ARHGAP24: variants seen among roughly 807,000 people sequenced by gnomAD.
ARHGAP24 encodes Rho GTPase activating protein 24.
ARHGAP24 carries 50 observed loss-of-function variants against 76.4 expected under a neutral mutation model. The ratio of observed to expected loss-of-function variants is 0.65; its 90% confidence interval spans 0.52 to 0.83. The LOEUF is 0.83. Among genes scored for constraint, ARHGAP24 ranks in the 40% least tolerant of loss-of-function variants. The pLI is 0.00. For synonymous variants in ARHGAP24, 345 were observed against 323.3 expected (o/e 1.07, Z -0.72); for missense variants, 930 against 914.2 (o/e 1.02, Z -0.22).
rs113412475 is a variant in ARHGAP24 at position 85,510,050 on chromosome 4, G to T, written c.-21+34491G>T. On this transcript the variant is annotated intron_variant, in intron 1 of 9. Transcript: ENST00000395184. ...CAAGCCAAAGCACACTTGGCTCTTG[G>T]CACTAAAGAACTTGGACTTTGAGAG... Among the ~76,000 whole-genome samples the T allele has an allele frequency of 9.8e-3, 1,496 of 152,226 alleles. 22 individuals carry two copies. The highest frequency in any genetic ancestry group is 0.034 in the African/African-American group (1,409 of 41,520).
chr4:85,831,008 G>A (rs1017902581), intron 3 of ARHGAP24, among the ~76,000 whole-genome samples: 3 of 152,164 alleles, frequency 2.0e-5, no homozygotes, highest in African/African-American at 7.2e-5. Context: ...ATGACTGCCT[G>A]TCATTCTTGG....
intron 3 of ARHGAP24, among the ~76,000 whole-genome samples, chr4:85,817,512 G>C (rs1729293028): frequency 6.6e-6 from 1 of 152,136 alleles, no homozygotes; most frequent in African/African-American, 2.4e-5. Flanking sequence ...CCTTAAATGA[G>C]AAGTAAGTGC....
intron 2 of ARHGAP24, among the ~76,000 whole-genome samples, chr4:85,623,918 G>C (rs1471189968): frequency 6.6e-6 from 1 of 151,536 alleles, no homozygotes; most frequent in Admixed American, 6.6e-5. Flanking sequence ...GAATGCTTGT[G>C]ATTTTTGCAC....
chr4:85,632,966 G>A (rs1465127107), intron 2 of ARHGAP24, among the ~76,000 whole-genome samples: 1 of 151,686 alleles, frequency 6.6e-6, no homozygotes, highest in East Asian at 1.9e-4. Flanking sequence ...TGTTCCAATG[G>A]GTAACATTTT....
Position 85,971,714 on chromosome 4 carries a change from C to A in ARHGAP24, c.600-322C>A, listed in dbSNP as rs12650268. Among the ~76,000 whole-genome samples the A allele has an allele frequency of 2.5e-3, 379 of 152,154 alleles. 3 individuals carry two copies. The East Asian group carries it at 0.025, about 10-fold the overall frequency. ...GTGCTATCAAATACTAGATCTTATA[C>A]ATTCTACCTTACTATATTTTGTATT... On this transcript the variant is annotated intron_variant, in intron 5 of 9. Transcript: ENST00000395184.
chr4:85,704,838 G>T (rs1265679707), intron 2 of ARHGAP24, among the ~76,000 whole-genome samples: 1 of 152,056 alleles, frequency 6.6e-6, no homozygotes. Context: ...ATTTTTGAAT[G>T]TATAAGCAAC....
intron 1 of ARHGAP24, among the ~76,000 whole-genome samples, chr4:85,523,066 G>A (rs1031459092): frequency 3.9e-5 from 6 of 152,172 alleles, no homozygotes; most frequent in Non-Finnish European, 7.3e-5. Flanking sequence ...CTTGGACGTG[G>A]TAGAGTGGTA....
chr4:85,637,416 T>C (rs1578098189), intron 2 of ARHGAP24, among the ~76,000 whole-genome samples: 1 of 152,210 alleles, frequency 6.6e-6, no homozygotes, highest in South Asian at 2.1e-4. Context: ...TGATATATCT[T>C]TAGGTATTCA....
chr4:85,701,430 C>A (rs1045270362), intron 2 of ARHGAP24, among the ~76,000 whole-genome samples: 11 of 152,134 alleles, frequency 7.2e-5, no homozygotes, highest in African/African-American at 2.4e-4. Context: ...CCTCACCCAT[C>A]TCCCAACATT....
At chr4:85,817,926 T>C (rs1729309800) in intron 3 of ARHGAP24, among the ~76,000 whole-genome samples, 1 of 152,206 alleles carries the variant, frequency 6.6e-6, no homozygotes, top group Admixed American at 6.5e-5. Flanking sequence ...GACCACTTAC[T>C]AGAAGATACT....
intron 2 of ARHGAP24, among the ~76,000 whole-genome samples, chr4:85,635,891 A>G (rs550432121): frequency 1.3e-5 from 2 of 151,908 alleles, no homozygotes; most frequent in African/African-American, 4.8e-5. Flanking sequence ...AAATTTCCCT[A>G]CGCATTTCCT....
At chr4:85,521,030 C>G (rs1724722085) in intron 1 of ARHGAP24, among the ~76,000 whole-genome samples, 1 of 152,194 alleles carries the variant, frequency 6.6e-6, no homozygotes, top group Non-Finnish European at 1.5e-5. Flanking sequence ...AGGGATTCAA[C>G]TAAACTTTTC....
chr4:85,909,556 A>G (rs1405290562), intron 3 of ARHGAP24, among the ~76,000 whole-genome samples: 3 of 152,216 alleles, frequency 2.0e-5, no homozygotes, highest in Non-Finnish European at 1.5e-5. Flanking sequence ...GTAATTACAT[A>G]TGAATCAGAC....
chr4:85,591,898 C>T lies in ARHGAP24; in HGVS notation c.180+21177C>T, dbSNP rs117054568. Among the ~76,000 whole-genome samples the T allele has an allele frequency of 7.9e-5, 12 of 152,214 alleles. No individual in the cohort carries two copies. The East Asian group carries it at 2.3e-3, about 29-fold the overall frequency. ...ATGTAAATGTTTGTTAATAGTATTACCATACCACAGCCAACCAACCACACT... is the reference window on the plus strand; with the variant it reads ...ATGTAAATGTTTGTTAATAGTATTATCATACCACAGCCAACCAACCACACT... On this transcript the variant is annotated intron_variant, in intron 2 of 9. Transcript: ENST00000395184.
At chr4:85,809,790 A>G (rs973421602) in intron 3 of ARHGAP24, among the ~76,000 whole-genome samples, 2 of 152,204 alleles carry the variant, frequency 1.3e-5, no homozygotes, top group Admixed American at 1.3e-4. Flanking sequence ...GACAGACTGC[A>G]AGAAGCAGGA....
intron 3 of ARHGAP24, among the ~76,000 whole-genome samples, chr4:85,868,735 G>A (rs1732351992): frequency 6.6e-6 from 1 of 151,700 alleles, no homozygotes; most frequent in Non-Finnish European, 1.5e-5. Flanking sequence ...AGGGAAAACA[G>A]GGTGTAGTTA....
At chr4:85,516,934 G>T (rs553596256) in intron 1 of ARHGAP24, among the ~76,000 whole-genome samples, 1 of 152,068 alleles carries the variant, frequency 6.6e-6, no homozygotes, top group African/African-American at 2.4e-5. Context: ...TAATTCATTT[G>T]TAGTTTACTC....
chr4:85,803,572 G>A (rs1415045673), intron 3 of ARHGAP24, among the ~76,000 whole-genome samples: 2 of 152,012 alleles, frequency 1.3e-5, no homozygotes, highest in South Asian at 2.1e-4. Context: ...TGTTTTATGG[G>A]CCTGAAGCTT....
chr4:85,677,317 A>G (rs1000717499), intron 2 of ARHGAP24, among the ~76,000 whole-genome samples: 5 of 152,184 alleles, frequency 3.3e-5, no homozygotes, highest in African/African-American at 4.8e-5. Context: ...CACATTTTAT[A>G]TGCACATTCA....
Sources: gnomAD v4.1 joint callset for allele counts (sites outside exome capture counted in the v4.1 genomes callset) on GRCh38, gnomAD v4.1.1 for gene constraint, MANE v1.5 for transcripts, NCBI Gene and HGNC (gene_info 2026-07-23, HGNC 2026-07-21) for gene names.